Variants in ITGAE observed in about 807,000 individuals in gnomAD.
The protein encoded by ITGAE is integrin subunit alpha E, also known as integrin alpha-E.
In ITGAE, 99 loss-of-function variants were observed where a neutral mutation model predicts 136.5. The ratio of observed to expected loss-of-function variants is 0.73; its 90% confidence interval spans 0.62 to 0.86. The LOEUF is 0.86. Ranked by LOEUF, ITGAE falls within the 40% of genes least tolerant of loss-of-function variation. ITGAE has a pLI of 0.00. For missense variants in ITGAE, 1,447 were observed against 1,515.3 expected (o/e 0.95, Z 0.75); for synonymous variants, 613 against 591.8 (o/e 1.04, Z -0.52).
At chr17:3,780,517 C>T (rs911606908) in intron 1 of ITGAE, among the ~76,000 whole-genome samples, 6 of 152,026 alleles carry the variant, frequency 3.9e-5, no homozygotes, top group African/African-American at 7.2e-5. Flanking sequence ...AGGCTAGTTT[C>T]GAACTCCTGA....
At chr17:3,761,767 C>A in intron 4 of ITGAE, 148 bp downstream of exon 4, 2 of 736,216 alleles carry the variant, frequency 2.7e-6, no homozygotes, top group Non-Finnish European at 4.5e-6. Context: ...GTCAGAGCTA[C>A]AGTCAGCCCT....
intron 1 of ITGAE, among the ~76,000 whole-genome samples, chr17:3,800,329 C>T (rs770782220): frequency 2.6e-5 from 4 of 152,038 alleles, no homozygotes; most frequent in African/African-American, 4.8e-5. Context: ...GCTTGATGCC[C>T]ATCCAATTCT....
rs1597340226 is a variant in ITGAE, at chr17:3,758,376, G to A, written c.867-517C>T. ...TCCTCCTGCCTCAGCTTCCTGAGTA[G>A]CTGGAACTATAGGCACAAGCCACTG... On this transcript the variant is annotated intron_variant, in intron 8 of 30. Transcript: ENST00000263087. Among the ~76,000 whole-genome samples, 3 of 151,852 alleles carry A rather than the reference G, an allele frequency of 2.0e-5. No homozygotes were observed. The South Asian group carries it at 6.2e-4, about 32-fold the overall frequency.
chr17:3,749,158 T>G (rs531654049), intron 16 of ITGAE, among the ~76,000 whole-genome samples: 68 of 151,734 alleles, frequency 4.5e-4, no homozygotes, highest in African/African-American at 1.5e-3. Context: ...TCATCCTGAA[T>G]TGCTGGGTGG....
chr17:3,731,670 A>G (rs1597309844), intron 22 of ITGAE, among the ~76,000 whole-genome samples: 1 of 151,998 alleles, frequency 6.6e-6, no homozygotes, highest in Non-Finnish European at 1.5e-5. Context: ...CTCAAATACA[A>G]ATATGGAGTA....
intron 12 of ITGAE, 46 bp downstream of exon 12, chr17:3,755,071 G>GCCCTCATCAGGTGGCCCCT: frequency 1.5e-6 from 2 of 1,358,926 alleles, no homozygotes; most frequent in African/African-American, 3.2e-5. Flanking sequence ...TCCAGGCCCC[G>GCCCTCATCAGGTGGCCCCT]CCCTCATCAG....
chr17:3,796,133 C>T (rs1597377203), intron 1 of ITGAE, among the ~76,000 whole-genome samples: 1 of 32,542 alleles, frequency 3.1e-5, no homozygotes, highest in East Asian at 4.2e-4. Flanking sequence ...GTGTGTGCAT[C>T]CATGTGTGTG....
At chr17:3,800,726 G>A (rs1429606020) in intron 1 of ITGAE, among the ~76,000 whole-genome samples, 1 of 152,134 alleles carries the variant, frequency 6.6e-6, no homozygotes, top group African/African-American at 2.4e-5. Context: ...CCCCTGCTCT[G>A]TAACAGAAGG....
Position 3,717,015 on chromosome 17 carries a change from C to T in ITGAE, c.3334-217G>A, listed in dbSNP as rs138268886. Reference sequence around the variant, plus strand: ...CCCAAATACTTCGTAAGAAACTATTCTGGCCCCTTATCTAGAAGGGCTAGG... The same window carrying T: ...CCCAAATACTTCGTAAGAAACTATTTTGGCCCCTTATCTAGAAGGGCTAGG... On this transcript the variant is annotated intron_variant, in intron 29 of 30. Transcript: ENST00000263087. 1,151 of 470,992 alleles carry T rather than the reference C, an allele frequency of 2.4e-3. 2 individuals carry two copies. The highest frequency in any genetic ancestry group is 3.6e-3 in the Non-Finnish European group (948 of 260,278). The allele number at this position is 470,992 out of a possible 1,614,324, so 29.2% of individuals were successfully genotyped here.
At chr17:3,725,148 A>C in intron 26 of ITGAE, 1 of 1,614,186 alleles carries the variant, frequency 6.2e-7, no homozygotes, top group Non-Finnish European at 8.5e-7. Context: ...GGTCTGCAGC[A>C]TCTATACCAC....
At chr17:3,717,528 T>C (rs1470566019) in intron 29 of ITGAE, 1 of 152,224 alleles carries the variant, frequency 6.6e-6, no homozygotes, top group African/African-American at 2.4e-5. Context: ...GACCCAGGTA[T>C]GGCCCTTCCA....
chr17:3,751,342 G>A (rs1421868755), intron 15 of ITGAE, among the ~76,000 whole-genome samples: 2 of 151,898 alleles, frequency 1.3e-5, no homozygotes, highest in Non-Finnish European at 2.9e-5. Flanking sequence ...GCAGGGACCC[G>A]AGGCAGGTGG....
intron 18 of ITGAE, among the ~76,000 whole-genome samples, chr17:3,744,969 C>T (rs1444530021): frequency 6.6e-6 from 1 of 152,170 alleles, no homozygotes; most frequent in Non-Finnish European, 1.5e-5. Flanking sequence ...ATCCAATTAA[C>T]AATCACTTTG....
At chr17:3,735,809 T>TA (rs1309931093) in intron 20 of ITGAE, among the ~76,000 whole-genome samples, 4 of 152,228 alleles carry the variant, frequency 2.6e-5, no homozygotes, top group South Asian at 4.1e-4. Flanking sequence ...TCAACCCTCA[T>TA]AGTAACCCTG....
intron 28 of ITGAE, among the ~76,000 whole-genome samples, chr17:3,722,982 T>C (rs990037596): frequency 9.9e-5 from 15 of 152,002 alleles, no homozygotes; most frequent in African/African-American, 3.4e-4. Flanking sequence ...GCAGTGGAAA[T>C]GGAGAGAAGT....
chr17:3,765,363 A>AAG (rs2052274104), intron 2 of ITGAE, among the ~76,000 whole-genome samples: 1 of 151,204 alleles, frequency 6.6e-6, no homozygotes, highest in African/African-American at 2.4e-5. Context: ...AAAAAAAAAA[A>AAG]AAAAAAAGGT....
intron 24 of ITGAE, among the ~76,000 whole-genome samples, chr17:3,729,164 C>T (rs1409367180): frequency 6.6e-6 from 1 of 152,162 alleles, no homozygotes; most frequent in African/African-American, 2.4e-5. Flanking sequence ...AATTATCCCT[C>T]AAATGGCCTT....
At chr17:3,766,792 A>AAATAATAAT (rs146384772) in intron 2 of ITGAE, among the ~76,000 whole-genome samples, 3 of 136,918 alleles carry the variant, frequency 2.2e-5, no homozygotes, top group Non-Finnish European at 4.7e-5. Context: ...AAAGAGTGCA[A>AAATAATAAT]AATAATAATA....
At chr17:3,764,844 G>A (rs1238418925) in intron 2 of ITGAE, among the ~76,000 whole-genome samples, 1 of 152,184 alleles carries the variant, frequency 6.6e-6, no homozygotes, top group African/African-American at 2.4e-5. Context: ...TCCAGGGACA[G>A]CCTCAACATT....
Sources: allele counts gnomAD v4.1 joint callset (sites outside exome capture counted in the v4.1 genomes callset), GRCh38; gene constraint gnomAD v4.1.1; transcripts MANE v1.5; gene names NCBI Gene and HGNC (gene_info 2026-07-23, HGNC 2026-07-21).